The following BTBD10 variants were observed in gnomAD, a reference collection of about 807,000 sequenced individuals.
BTBD10 encodes BTB/POZ domain-containing protein 10.
BTBD10 carries 21 observed loss-of-function variants against 53.2 expected under a neutral mutation model. That is an observed-to-expected ratio of 0.39 (90% CI 0.28 to 0.57). The LOEUF is 0.57. BTBD10 is among the 20% of genes least tolerant of loss of function. The probability of loss-of-function intolerance (pLI) is 0.53; values close to 1 mark genes in which losing one functional copy is unlikely to be tolerated. For missense variants in BTBD10, 360 were observed against 594.7 expected, an observed-to-expected ratio of 0.61 and a Z score of 4.10; for synonymous variants, 149 against 192.7, an observed-to-expected ratio of 0.77 and a Z score of 1.88.
At chr11:13,415,423 C>T (rs1950079466) in intron 5 of BTBD10, among the ~76,000 whole-genome samples, 2 of 152,184 alleles carry the variant, frequency 1.3e-5, no homozygotes, top group Admixed American at 6.5e-5. Flanking sequence ...TGATTATCTA[C>T]AGGCACAACT....
rs1949304900 is a variant in BTBD10, at chr11:13,388,285, T to C, written c.*546A>G. ...GGTAAGATATGGGCATTAAATCTCATCCTGATCATTCAGATAAGCCCAAGA... is the reference window on the plus strand; with the variant it reads ...GGTAAGATATGGGCATTAAATCTCACCCTGATCATTCAGATAAGCCCAAGA... On this transcript the variant is annotated 3_prime_UTR_variant, in exon 9 of 9. Transcript: ENST00000278174. 1 of 154,216 alleles carries C rather than the reference T, an allele frequency of 6.5e-6. No homozygotes were observed. The highest frequency in any genetic ancestry group is 1.4e-5 in the Non-Finnish European group (1 of 69,064). The allele number at this position is 154,216 out of a possible 1,614,324, so 9.6% of individuals were successfully genotyped here. A position where few individuals can be genotyped will look rare whatever the true frequency, so the allele number is the denominator to read the frequency against.
intron 1 of BTBD10, among the ~76,000 whole-genome samples, chr11:13,461,958 TG>T (rs1951110247): frequency 6.6e-6 from 1 of 151,690 alleles, no homozygotes. Flanking sequence ...TTACCAGTCT[TG>T]GTCCACTTTC....
chr11:13,456,510 C>G (rs1950971324), intron 1 of BTBD10, among the ~76,000 whole-genome samples: 1 of 152,124 alleles, frequency 6.6e-6, no homozygotes, highest in South Asian at 2.1e-4. Context: ...TCACTGACAA[C>G]CGGGAAGGAG....
intron 8 of BTBD10, among the ~76,000 whole-genome samples, chr11:13,390,098 ATTAG>A (rs145909341): frequency 0.16 from 23,793 of 151,898 alleles, 2,024 homozygotes; most frequent in Admixed American, 0.24. Flanking sequence ...GAAAAAAAAA[ATTAG>A]TTATTTACTA....
chr11:13,438,143 A>T lies in BTBD10; in HGVS notation c.101+6881T>A, dbSNP rs375485649. The stretch of plus-strand genomic sequence containing the variant: ...TATACTTTCCTTGATTATTATTCTT[A>T]CATTAAATGTAATATAAGAAACCTT... On this transcript the variant is annotated intron_variant, in intron 2 of 8. Coordinates refer to ENST00000278174, the MANE Select transcript of BTBD10 (RefSeq NM_032320.7). Among the ~76,000 whole-genome samples, 5 of 152,182 alleles carry T rather than the reference A, an allele frequency of 3.3e-5. No individual in the cohort carries two copies. In the East Asian group the frequency reaches 5.8e-4, roughly 18 times the overall value.
chr11:13,392,012 A>G (rs1469215954), intron 8 of BTBD10, among the ~76,000 whole-genome samples: 3 of 152,218 alleles, frequency 2.0e-5, no homozygotes, highest in Non-Finnish European at 4.4e-5. Context: ...CCTGACTTGC[A>G]GATTTACCAA....
At chr11:13,413,427 T>G in intron 6 of BTBD10, 103 bp downstream of exon 6, 1 of 1,002,194 alleles carries the variant, frequency 1.0e-6, no homozygotes, top group Non-Finnish European at 1.4e-6. Flanking sequence ...ATAATTGAAT[T>G]AAATACTTTA....
intron 3 of BTBD10, among the ~76,000 whole-genome samples, chr11:13,420,377 T>C (rs544098277): frequency 2.0e-5 from 3 of 152,242 alleles, no homozygotes; most frequent in Admixed American, 6.5e-5. Context: ...TTATAATATA[T>C]TGTTTTCTTC....
chr11:13,421,608 A>G, intron 3 of BTBD10, 34 bp downstream of exon 3: 1 of 1,558,266 alleles, frequency 6.4e-7, no homozygotes, highest in Non-Finnish European at 8.8e-7. Flanking sequence ...CATGTTTTTA[A>G]GAACTGTTAG....
intron 3 of BTBD10, among the ~76,000 whole-genome samples, chr11:13,420,078 T>C (rs1263458182): frequency 6.6e-6 from 1 of 152,114 alleles, no homozygotes; most frequent in Non-Finnish European, 1.5e-5. Flanking sequence ...GAACCGAATA[T>C]TCTCACAAGT....
intron 8 of BTBD10, among the ~76,000 whole-genome samples, chr11:13,402,132 T>C (rs1405727775): frequency 1.3e-5 from 2 of 152,186 alleles, no homozygotes; most frequent in Admixed American, 6.5e-5. Flanking sequence ...ACTAGACCAA[T>C]GCTTCATATA....
chr11:13,403,801 G>A (rs1049791749), intron 7 of BTBD10, among the ~76,000 whole-genome samples: 11 of 152,118 alleles, frequency 7.2e-5, no homozygotes, highest in African/African-American at 2.2e-4. Flanking sequence ...CCATTCAGGC[G>A]AACAGCCCCA....
At chr11:13,393,345 A>G (rs1478324942) in intron 8 of BTBD10, among the ~76,000 whole-genome samples, 1 of 152,138 alleles carries the variant, frequency 6.6e-6, no homozygotes, top group African/African-American at 2.4e-5. Flanking sequence ...CACCAACCCA[A>G]TCTAGCTCCC....
chr11:13,437,836 CA>C (rs1280254907), intron 2 of BTBD10, among the ~76,000 whole-genome samples: 1 of 152,136 alleles, frequency 6.6e-6, no homozygotes, highest in East Asian at 1.9e-4. Flanking sequence ...CATCTTTTAG[CA>C]GTTCTTTTAT....
Position 13,409,355 on chromosome 11 carries a change from C to G in BTBD10, c.809-3499G>C, listed in dbSNP as rs147479882. Reference sequence around the variant, plus strand: ...TATGATTTATTTACTTTGTTTATCACGTTTTTCCCAATAGAGTGTACATTC... The same window carrying G: ...TATGATTTATTTACTTTGTTTATCAGGTTTTTCCCAATAGAGTGTACATTC... On this transcript the variant is annotated intron_variant, in intron 6 of 8. Transcript: ENST00000278174. 5.3e-5 allele frequency among the ~76,000 whole-genome samples: 8 copies of G among 152,246 alleles called. No homozygotes were observed. The East Asian group carries it at 1.5e-3, about 29-fold the overall frequency.
chr11:13,398,877 C>A (rs1190789976), intron 8 of BTBD10, among the ~76,000 whole-genome samples: 1 of 152,184 alleles, frequency 6.6e-6, no homozygotes, highest in Non-Finnish European at 1.5e-5. Context: ...GGCCCCCACT[C>A]TCTTCTGGCT....
chr11:13,416,171 G>A (rs776114160), intron 5 of BTBD10, among the ~76,000 whole-genome samples: 2 of 151,714 alleles, frequency 1.3e-5, no homozygotes, highest in Non-Finnish European at 2.9e-5. Flanking sequence ...GGGCAACATG[G>A]CGAAACCTCA....
At chr11:13,391,492 A>G (rs1949404158) in intron 8 of BTBD10, among the ~76,000 whole-genome samples, 1 of 152,212 alleles carries the variant, frequency 6.6e-6, no homozygotes, top group African/African-American at 2.4e-5. Context: ...TGACCTAAAT[A>G]ATGAGTTCCT....
At chr11:13,392,480 G>A (rs1412647818) in intron 8 of BTBD10, among the ~76,000 whole-genome samples, 1 of 151,960 alleles carries the variant, frequency 6.6e-6, no homozygotes, top group Non-Finnish European at 1.5e-5. Context: ...GACAGATTAT[G>A]GTCAAATGGA....
Sources: gnomAD v4.1 joint callset for allele counts (sites outside exome capture counted in the v4.1 genomes callset) on GRCh38, gnomAD v4.1.1 for gene constraint, MANE v1.5 for transcripts, NCBI Gene and HGNC (gene_info 2026-07-23, HGNC 2026-07-21) for gene names.